Variants in PTCH1 observed in about 807,000 individuals in gnomAD.
The protein encoded by PTCH1 is patched 1, also known as protein patched homolog 1.
A neutral mutation model predicts 144.6 loss-of-function variants in PTCH1; 14 were observed. That is an observed-to-expected ratio of 0.10 (90% CI 0.06 to 0.15). PTCH1 has a LOEUF of 0.15. Ranked by LOEUF, PTCH1 falls within the 10% of genes least tolerant of loss-of-function variation. The pLI is 1.00. For synonymous variants in PTCH1, 833 were observed against 793.6 expected, an observed-to-expected ratio of 1.05 and a Z score of -0.83; for missense variants, 1,623 against 1,948.3, an observed-to-expected ratio of 0.83 and a Z score of 3.14.
chr9:95,504,506 G>A (rs1334810670), intron 2 of PTCH1, among the ~76,000 whole-genome samples: 1 of 152,196 alleles, frequency 6.6e-6, no homozygotes, highest in East Asian at 1.9e-4. Flanking sequence ...CTCATCCGAT[G>A]GCAACAAATA....
chr9:95,502,358 CCAA>C (rs1843205484), intron 2 of PTCH1, among the ~76,000 whole-genome samples: 1 of 152,184 alleles, frequency 6.6e-6, no homozygotes, highest in Admixed American at 6.5e-5. Context: ...TGGCTTTTCA[CCAA>C]CATCTCTCTG....
At chr9:95,505,834 C>G (rs186322840) in intron 2 of PTCH1, among the ~76,000 whole-genome samples, 2 of 150,782 alleles carry the variant, frequency 1.3e-5, no homozygotes, top group Non-Finnish European at 3.0e-5. Flanking sequence ...TGAAAGCTGT[C>G]CAAAAACAGG....
intron 1 of PTCH1, among the ~76,000 whole-genome samples, chr9:95,515,395 C>T (rs760278182): frequency 1.1e-4 from 16 of 152,214 alleles, no homozygotes; most frequent in Non-Finnish European, 2.4e-4. Context: ...AGACGGTCTT[C>T]TCTCCCAGGT....
intron 2 of PTCH1, among the ~76,000 whole-genome samples, chr9:95,489,245 C>T (rs1842204054): frequency 6.6e-6 from 1 of 152,184 alleles, no homozygotes; most frequent in African/African-American, 2.4e-5. Context: ...TTGCTGTCTT[C>T]CTTATCATCC....
At chr9:95,463,804 G>A (rs1839761156) in intron 15 of PTCH1, among the ~76,000 whole-genome samples, 1 of 152,186 alleles carries the variant, frequency 6.6e-6, no homozygotes, top group Non-Finnish European at 1.5e-5. Context: ...GCAGGTGAGT[G>A]TTGGATGGAG....
intron 2 of PTCH1, among the ~76,000 whole-genome samples, chr9:95,489,699 T>C (rs149030161): frequency 6.6e-6 from 1 of 152,110 alleles, no homozygotes; most frequent in East Asian, 1.9e-4. Context: ...GTTCGTGAAA[T>C]AGTGCAGAAG....
chr9:95,457,980 T>C (rs1370345731), intron 18 of PTCH1, 33 bp downstream of exon 18: 7 of 1,613,486 alleles, frequency 4.3e-6, no homozygotes, highest in African/African-American at 1.3e-5. Flanking sequence ...GAAAGGAATT[T>C]GACTTCCACA....
intron 7 of PTCH1, 84 bp downstream of exon 7, chr9:95,479,885 C>T (rs2118381712): frequency 1.3e-6 from 2 of 1,596,454 alleles, no homozygotes; most frequent in Non-Finnish European, 1.7e-6. Flanking sequence ...AATACAAATA[C>T]ACTTGCCGAT....
At chr9:95,497,807 TG>T (rs1228882445) in intron 2 of PTCH1, among the ~76,000 whole-genome samples, 2 of 152,214 alleles carry the variant, frequency 1.3e-5, no homozygotes, top group African/African-American at 4.8e-5. Context: ...TGTGTTTATC[TG>T]GGTTTTGTAG....
intron 16 of PTCH1, 55 bp from the exon 17 acceptor site, chr9:95,459,838 C>A: frequency 6.3e-7 from 1 of 1,582,784 alleles, no homozygotes; most frequent in Non-Finnish European, 8.6e-7. Context: ...GGTAAACACA[C>A]TTCTGCCTTG....
intron 20 of PTCH1, chr9:95,450,958 G>A (rs990498888): frequency 2.0e-5 from 3 of 152,100 alleles, no homozygotes; most frequent in African/African-American, 7.2e-5. Context: ...GGGCAACTCT[G>A]ATGGAAGTGG....
intron 13 of PTCH1, 64 bp downstream of exon 13, chr9:95,469,749 A>G: frequency 7.0e-7 from 1 of 1,421,670 alleles, no homozygotes; most frequent in Admixed American, 1.7e-5. Flanking sequence ...CCACAGGCTG[A>G]AAGAGTTCTC....
intron 14 of PTCH1, 139 bp from the exon 15 acceptor site, chr9:95,467,564 G>A: frequency 1.2e-6 from 1 of 831,520 alleles, no homozygotes; most frequent in South Asian, 1.6e-5. Context: ...TTCTCCCATA[G>A]GAAAAAGGAT....
At chr9:95,457,667 T>C (rs182692918) in intron 18 of PTCH1, among the ~76,000 whole-genome samples, 153 of 152,312 alleles carry the variant, frequency 1.0e-3, no homozygotes, top group Middle Eastern at 6.8e-3. Flanking sequence ...TTATTAGGCC[T>C]GGATGAGGTC....
rs536548883 is a variant in PTCH1 at position 95,473,675 on chromosome 9, G to A, written c.1728+2359C>T. On this transcript the variant is annotated intron_variant, in intron 12 of 23. Transcript: ENST00000331920. ...TTCTCCTGCCTCAGCCTCCCGAGTA[G>A]CTGGGATTACAGGCGTGAGCCACCG... Among the ~76,000 whole-genome samples the A allele has an allele frequency of 2.0e-5, 3 of 151,944 alleles. No individual in the cohort carries two copies. In the South Asian group the frequency reaches 6.2e-4, roughly 32 times the overall value.
chr9:95,479,681 C>T (rs192377699), intron 7 of PTCH1, among the ~76,000 whole-genome samples: 374 of 152,338 alleles, frequency 2.5e-3, no homozygotes, highest in Non-Finnish European at 3.9e-3. Context: ...GCCTACTTTA[C>T]ACCTGCTCCC....
chr9:95,502,179 C>T (rs986275964), intron 2 of PTCH1, among the ~76,000 whole-genome samples: 1 of 152,232 alleles, frequency 6.6e-6, no homozygotes, highest in Non-Finnish European at 1.5e-5. Flanking sequence ...CCTACCCTCT[C>T]CCCTCCAGCC....
rs538912814 is a variant in PTCH1, at chr9:95,445,450, A to T, written c.*943T>A. On this transcript the variant is annotated 3_prime_UTR_variant, in exon 24 of 24. Coordinates refer to ENST00000331920, the MANE Select transcript of PTCH1 (RefSeq NM_000264.5). Reference sequence around the variant, plus strand: ...ACACCCACCATGATGAACTGATGTGAGCTCCATACCCTGAGGTTCCAGCAT... The same window carrying T: ...ACACCCACCATGATGAACTGATGTGTGCTCCATACCCTGAGGTTCCAGCAT... 6.6e-6 allele frequency: 1 copy of T among 152,214 alleles called. No individual in the cohort carries two copies. Among genetic ancestry groups the T allele is most frequent in the African/African-American group, 2.4e-5 (1 of 41,436 alleles). The allele number at this position is 152,214 out of a possible 1,614,324, so 9.4% of individuals were successfully genotyped here.
intron 2 of PTCH1, among the ~76,000 whole-genome samples, chr9:95,499,095 G>C (rs1186501972): frequency 6.6e-6 from 1 of 152,056 alleles, no homozygotes; most frequent in Non-Finnish European, 1.5e-5. Context: ...CTGTCCATGC[G>C]CCACGGTAAG....
Sources: gnomAD v4.1 joint callset for allele counts (sites outside exome capture counted in the v4.1 genomes callset) on GRCh38, gnomAD v4.1.1 for gene constraint, MANE v1.5 for transcripts, NCBI Gene and HGNC (gene_info 2026-07-23, HGNC 2026-07-21) for gene names.